The following UNC79 variants were observed in gnomAD, a reference collection of about 807,000 sequenced individuals.
UNC79 encodes protein unc-79 homolog.
UNC79 carries 37 observed loss-of-function variants against 283.1 expected under a neutral mutation model. The ratio of observed to expected loss-of-function variants is 0.13; its 90% CI spans 0.10 to 0.17. UNC79 has a LOEUF of 0.17. Ranked by LOEUF, UNC79 falls within the 10% of genes least tolerant of loss-of-function variation. The pLI is 1.00. For missense variants in UNC79, 2,272 were observed against 3,211.1 expected, an observed-to-expected ratio of 0.71 and a Z score of 7.07; for synonymous variants, 1,107 against 1,200.2, an observed-to-expected ratio of 0.92 and a Z score of 1.61.
At chr14:93,467,892 T>A in intron 2 of UNC79, 101 bp downstream of exon 2, 1 of 1,315,666 alleles carries the variant, frequency 7.6e-7, no homozygotes, top group Non-Finnish European at 9.8e-7. Flanking sequence ...TTAAAGGGCC[T>A]ATGTTTTCTA....
intron 39 of UNC79, among the ~76,000 whole-genome samples, chr14:93,661,058 A>C (rs2071553927): frequency 6.6e-6 from 1 of 152,222 alleles, no homozygotes; most frequent in Admixed American, 6.5e-5. Flanking sequence ...CACAAAGTGC[A>C]TTCATTTTCA....
chr14:93,646,764 C>T (rs1353749325), intron 35 of UNC79, 118 bp downstream of exon 38: 3 of 1,072,814 alleles, frequency 2.8e-6, no homozygotes, highest in Non-Finnish European at 4.1e-6. Flanking sequence ...AATCTCAGCA[C>T]TTTGGGAGGC....
intron 25 of UNC79, among the ~76,000 whole-genome samples, chr14:93,601,196 C>T (rs963745911): frequency 6.6e-6 from 1 of 152,082 alleles, no homozygotes; most frequent in South Asian, 2.1e-4. Context: ...TTGGTGCACC[C>T]GTCACCTGAG....
At chr14:93,466,966 A>G (rs2057212853) in intron 1 of UNC79, 1 of 941,300 alleles carries the variant, frequency 1.1e-6, no homozygotes, top group South Asian at 4.9e-5. Flanking sequence ...TGGGCAGCCA[A>G]GCTCAGAAAG....
intron 34 of UNC79, among the ~76,000 whole-genome samples, chr14:93,644,589 A>G (rs2069394856): frequency 6.6e-6 from 1 of 152,178 alleles, no homozygotes; most frequent in Non-Finnish European, 1.5e-5. Context: ...AGAGAGAGCT[A>G]AGTGCTAGAG....
chr14:93,698,476 G>GATTTTTTTTTTTTTTTTTTTTT (rs1555408706), intron 47 of UNC79, among the ~76,000 whole-genome samples: 1 of 79,096 alleles, frequency 1.3e-5, no homozygotes, highest in Non-Finnish European at 2.6e-5. Flanking sequence ...TTTAGTTTAG[G>GATTTTTTTTTTTTTTTTTTTTT]TTTTTTTTTT....
chr14:93,379,558 A>G (rs965621378), intron 1 of UNC79, among the ~76,000 whole-genome samples: 1 of 152,162 alleles, frequency 6.6e-6, no homozygotes, highest in African/African-American at 2.4e-5. Context: ...TTTCTTCACT[A>G]TGATTTCTAC....
chr14:93,401,163 A>T (rs997928512), intron 1 of UNC79, among the ~76,000 whole-genome samples: 41 of 152,320 alleles, frequency 2.7e-4, no homozygotes, highest in African/African-American at 9.6e-4. Flanking sequence ...AAATTTTTTT[A>T]AAAAGTTGAT....
intron 1 of UNC79, among the ~76,000 whole-genome samples, chr14:93,369,146 T>G (rs1199438823): frequency 1.3e-5 from 2 of 152,306 alleles, no homozygotes; most frequent in East Asian, 1.9e-4. Flanking sequence ...CCAAAGGGTG[T>G]TGTTGTGAGC....
intron 1 of UNC79, among the ~76,000 whole-genome samples, chr14:93,359,544 A>G (rs1338692541): frequency 2.0e-5 from 3 of 152,234 alleles, no homozygotes; most frequent in African/African-American, 7.2e-5. Context: ...CAAGGTCAGC[A>G]TAGCTACCAT....
intron 1 of UNC79, among the ~76,000 whole-genome samples, chr14:93,370,639 G>A (rs1566897327): frequency 2.0e-5 from 3 of 152,122 alleles, no homozygotes; most frequent in African/African-American, 7.2e-5. Flanking sequence ...AGACGTGGTG[G>A]TACATGCCTG....
At chr14:93,637,140 A>G in intron 31 of UNC79, 76 bp from the exon 35 acceptor site, 3 of 828,306 alleles carry the variant, frequency 3.6e-6, no homozygotes, top group Non-Finnish European at 6.5e-6. Context: ...CCCAGAGATG[A>G]TTGGTTAAAT....
At chr14:93,522,810 G>A (rs1444190803) in intron 7 of UNC79, among the ~76,000 whole-genome samples, 4 of 151,992 alleles carry the variant, frequency 2.6e-5, no homozygotes, top group African/African-American at 4.8e-5. Flanking sequence ...ATTTTTAAAT[G>A]TCAGTCGTTC....
intron 32 of UNC79, among the ~76,000 whole-genome samples, chr14:93,640,405 G>T (rs1184001716): frequency 6.6e-6 from 1 of 152,172 alleles, no homozygotes; most frequent in Non-Finnish European, 1.5e-5. Context: ...GAGGTGGGAG[G>T]ATCCCTTGAG....
chr14:93,546,915 A>G (rs2061628072), intron 14 of UNC79, among the ~76,000 whole-genome samples: 1 of 152,196 alleles, frequency 6.6e-6, no homozygotes, highest in African/African-American at 2.4e-5. Context: ...CTCAGAGACA[A>G]TCTGTTTATG....
intron 7 of UNC79, among the ~76,000 whole-genome samples, chr14:93,518,360 T>C (rs987634048): frequency 1.2e-4 from 18 of 151,966 alleles, no homozygotes; most frequent in Admixed American, 1.2e-3. Context: ...CATCCAAGTT[T>C]TCAAATTTAT....
intron 1 of UNC79, among the ~76,000 whole-genome samples, chr14:93,441,782 A>G (rs1012192229): frequency 3.3e-5 from 5 of 151,942 alleles, no homozygotes; most frequent in African/African-American, 1.2e-4. Context: ...TAGCTGCTAT[A>G]TTTTCTTTCT....
At chr14:93,339,596 G>T (rs2053659401) in intron 1 of UNC79, among the ~76,000 whole-genome samples, 1 of 152,198 alleles carries the variant, frequency 6.6e-6, no homozygotes, top group Non-Finnish European at 1.5e-5. Flanking sequence ...ACTGCGCCCG[G>T]CCTAGATGGC....
rs2074389887 is a variant in UNC79, at chr14:93,688,091, A to C, written c.6910-574A>C. On this transcript the variant is annotated intron_variant, in intron 43 of 48. Coordinates refer to ENST00000555664, the Ensembl canonical transcript of UNC79. The surrounding 1 kb of genome is among the most constrained non-coding windows in gnomAD (Gnocchi z 4.0). ...TTCTAAATTAATTCAACAAATAGGT[A>C]TGAGCACCTGTAATGTCGTGGCACT... Among the ~76,000 whole-genome samples, 1 of 152,204 alleles carries C rather than the reference A, an allele frequency of 6.6e-6. No homozygotes were observed. The highest frequency in any genetic ancestry group is 2.4e-5 in the African/African-American group (1 of 41,462).
Sources: gnomAD v4.1 joint callset for allele counts (sites outside exome capture counted in the v4.1 genomes callset) on GRCh38, gnomAD v4.1.1 for gene constraint, Gnocchi (gnomAD v3.1) non-coding constraint, MANE v1.5 for transcripts, NCBI Gene and HGNC (gene_info 2026-07-23, HGNC 2026-07-21) for gene names.